ME3: variants seen among roughly 807,000 people sequenced by gnomAD.
ME3 encodes the protein malic enzyme 3.
Under a neutral mutation model 68.9 loss-of-function variants are expected in ME3, and 48 were observed. The observed-to-expected ratio is 0.70, with a 90% CI of 0.55 to 0.89. The LOEUF is 0.89. Ranked by LOEUF, ME3 falls within the 40% of genes least tolerant of loss-of-function variation. The probability of loss-of-function intolerance (pLI) is 0.00; values close to 1 mark genes in which losing one functional copy is unlikely to be tolerated. For synonymous variants in ME3, 320 were observed against 318.8 expected, an observed-to-expected ratio of 1.00 and a Z score of -0.04; for missense variants, 675 against 797.4, an observed-to-expected ratio of 0.85 and a Z score of 1.85.
rs1594616679 is a variant in ME3, at chr11:86,600,917, A to T, written c.184-41094T>A. Among the ~76,000 whole-genome samples, 3 of 151,010 alleles carry T rather than the reference A, an allele frequency of 2.0e-5. No homozygotes were observed. The East Asian group carries it at 5.9e-4, about 29-fold the overall frequency. On this transcript the variant is annotated intron_variant, in intron 2 of 14. Transcript: ENST00000543262. The stretch of plus-strand genomic sequence containing the variant: ...CTTTGAAACCAATGAGAACAAAGAC[A>T]CAACATACCAGAATCTCTGGGACAC...
rs563091042 is a variant in ME3 at position 86,571,359 on chromosome 11, G to A, written c.184-11536C>T. On this transcript the variant is annotated intron_variant, in intron 2 of 14. Coordinates refer to ENST00000543262, the Ensembl canonical transcript of ME3. The stretch of plus-strand genomic sequence containing the variant: ...CAATGGAAAGATATAGAAGGTTCCA[G>A]TTCTCTGTAGGCTCTAGGTGAGCCA... Among the ~76,000 whole-genome samples the A allele has an allele frequency of 3.4e-4, 52 of 152,364 alleles. 1 individual carries two copies. In the South Asian group the frequency reaches 0.011, roughly 32 times the overall value.
chr11:86,645,527 T>C (rs902556629), intron 2 of ME3, among the ~76,000 whole-genome samples: 3 of 152,304 alleles, frequency 2.0e-5, no homozygotes, highest in African/African-American at 7.2e-5. Context: ...AGGGCATCTC[T>C]GAGAAAAAGT....
rs1200374794 is a variant in ME3, at chr11:86,530,371, A to T, written c.468-21504T>A. Among the ~76,000 whole-genome samples, 7 of 152,250 alleles carry T rather than the reference A, an allele frequency of 4.6e-5. 1 individual carries two copies. Among genetic ancestry groups the T allele is most frequent in the Admixed American group, 4.6e-4 (7 of 15,288 alleles). ...AGAGGATACAAAAAAATGGAAGAAC[A>T]TTCCATGCTCATGGATAGGAAGAAT... On this transcript the variant is annotated intron_variant, in intron 4 of 14. Transcript: ENST00000543262.
At chr11:86,453,629 A>G (rs1949762162) in intron 8 of ME3, among the ~76,000 whole-genome samples, 1 of 152,234 alleles carries the variant, frequency 6.6e-6, no homozygotes. Context: ...GATTTTTTTA[A>G]GTATAAGTAT....
In ME3 at chr11:86,487,400, T is replaced by G; in HGVS notation, c.746A>C (p.Gln249Pro). The G allele has an allele frequency of 6.2e-7, 1 of 1,614,136 alleles. No homozygotes were observed. Among genetic ancestry groups the G allele is most frequent in the Non-Finnish European group, 8.5e-7 (1 of 1,180,036 alleles). The change falls in exon 7 of 15, where the codon CAG becomes CCG. Residue 249 changes from glutamine (Q) to proline (P), a missense_variant. Gln to Pro is a moderately conservative substitution (Grantham distance 76). Coordinates refer to ENST00000543262, the Ensembl canonical transcript of ME3. ...ATCGTATGCCTTCCCGTGCACGCGCTGGTGTTTCAGGCCGATGTACAGAGG... is the reference window on the plus strand; with the variant it reads ...ATCGTATGCCTTCCCGTGCACGCGCGGGTGTTTCAGGCCGATGTACAGAGG...
intron 8 of ME3, among the ~76,000 whole-genome samples, chr11:86,458,025 G>A (rs1416755600): frequency 6.6e-6 from 1 of 152,210 alleles, no homozygotes; most frequent in Admixed American, 6.5e-5. Flanking sequence ...GACAGAAAGA[G>A]TTAGGCTCTG....
Position 86,497,281 on chromosome 11 carries a change from G to A in ME3, c.705+682C>T, listed in dbSNP as rs1054658792. Among the ~76,000 whole-genome samples the A allele has an allele frequency of 1.4e-4, 21 of 152,240 alleles. 2 individuals are homozygous for A. Among genetic ancestry groups the A allele is most frequent in the Admixed American group, 4.6e-4 (7 of 15,292 alleles). On this transcript the variant is annotated intron_variant, in intron 6 of 14. Coordinates refer to ENST00000543262, the Ensembl canonical transcript of ME3. ...AACACAGGCGTGAGTGACTGTGCCCGGCCTCAATAATATGCACTGATCTCA... is the reference window on the plus strand; with the variant it reads ...AACACAGGCGTGAGTGACTGTGCCCAGCCTCAATAATATGCACTGATCTCA...
chr11:86,490,491 A>G (rs1283110062), intron 6 of ME3, among the ~76,000 whole-genome samples: 1 of 152,214 alleles, frequency 6.6e-6, no homozygotes, highest in Non-Finnish European at 1.5e-5. Context: ...ACAGCCAGAA[A>G]GAAGAAATGA....
Position 86,487,281 on chromosome 11 carries a change from T to C in ME3, c.809+56A>G, listed in dbSNP as rs1951747614. 6 of 1,423,718 alleles carry C rather than the reference T, an allele frequency of 4.2e-6. No individual in the cohort carries two copies. The Admixed American group carries it at 8.4e-5, about 20-fold the overall frequency. 88.2% of individuals were successfully genotyped at this position (1,423,718 alleles called of 1,614,324 possible). The stretch of plus-strand genomic sequence containing the variant: ...TATCAGCCAAAACCAGTGTTGACTT[T>C]AGTCACGGCATCTCTTAAAAGTCCT... On this transcript the variant is annotated intron_variant, in intron 7 of 14. Coordinates refer to ENST00000543262, the Ensembl canonical transcript of ME3.
chr11:86,498,054 G>C (rs1210595108), exon 6 of ME3: 2 of 1,613,822 alleles, frequency 1.2e-6, no homozygotes. Context: ...CTTGCCCACA[G>C]GGATGCCCAT....
chr11:86,605,936 T>C lies in ME3; in HGVS notation c.184-46113A>G, dbSNP rs532330040. On this transcript the variant is annotated intron_variant, in intron 2 of 14. Coordinates refer to ENST00000543262, the Ensembl canonical transcript of ME3. ...TGCCTACCCCCAACCTCACCCCAAG[T>C]CCCATGGGCCTCCCACAAGTGCCCA... Among the ~76,000 whole-genome samples, 4 of 152,196 alleles carry C rather than the reference T, an allele frequency of 2.6e-5. No homozygotes were observed. In the East Asian group the frequency reaches 5.8e-4, roughly 22 times the overall value.
At chr11:86,474,604 A>AT (rs1202781255) in intron 7 of ME3, among the ~76,000 whole-genome samples, 10 of 152,074 alleles carry the variant, frequency 6.6e-5, no homozygotes, top group African/African-American at 2.2e-4. Context: ...GTCAGCCCAT[A>AT]TTTGTCCTTA....
chr11:86,489,538 G>C (rs1300025144), intron 6 of ME3, among the ~76,000 whole-genome samples: 1 of 152,132 alleles, frequency 6.6e-6, no homozygotes, highest in Non-Finnish European at 1.5e-5. Context: ...ACTATCTTAA[G>C]GGAACCTGCT....
chr11:86,615,788 G>C (rs1010636479), intron 2 of ME3, among the ~76,000 whole-genome samples: 3 of 152,202 alleles, frequency 2.0e-5, no homozygotes, highest in Non-Finnish European at 4.4e-5. Flanking sequence ...GGGGGACAGA[G>C]TGAAACCTAA....
chr11:86,461,216 T>C (rs936272293), intron 8 of ME3, among the ~76,000 whole-genome samples: 1 of 152,104 alleles, frequency 6.6e-6, no homozygotes, highest in African/African-American at 2.4e-5. Context: ...AGTTCCAGCT[T>C]TGTGTCTTTT....
rs1051469144 is a variant in ME3 at position 86,654,699 on chromosome 11, C to T, written c.183+17063G>A. On this transcript the variant is annotated intron_variant, in intron 2 of 14. Coordinates refer to ENST00000543262, the Ensembl canonical transcript of ME3. ...TGAAAACTGGCACAAGACAGGGATG[C>T]CCTCTCTCACCACTCCTATTCAACA... Among the ~76,000 whole-genome samples the T allele has an allele frequency of 6.5e-3, 994 of 152,290 alleles. 8 individuals are homozygous for T. Among genetic ancestry groups the T allele is most frequent in the Non-Finnish European group, 9.8e-3 (668 of 68,026 alleles).
chr11:86,528,331 T>C (rs1954927911), intron 4 of ME3, among the ~76,000 whole-genome samples: 1 of 152,208 alleles, frequency 6.6e-6, no homozygotes. Flanking sequence ...ATGCACTGAA[T>C]ACAGGAGCAC....
the ME3 span, chr11:86,435,236 A>C: frequency 6.6e-6 from 1 of 152,254 alleles, no homozygotes; most frequent in Non-Finnish European, 1.5e-5. Flanking sequence ...ACACATCTGT[A>C]ATTTTGAAAA....
rs1326059014 is a variant in ME3, at chr11:86,450,216, C to G, written c.1017+85G>C. The G allele has an allele frequency of 6.8e-6, 9 of 1,326,490 alleles. No individual in the cohort carries two copies. In the South Asian group the frequency reaches 7.4e-5, roughly 11 times the overall value. 82.2% of individuals were successfully genotyped at this position (1,326,490 alleles called of 1,614,324 possible). Reference sequence around the variant, plus strand: ...TGTGCTGCTTCCTCTTTTCAGAACCCCAGAATGCCTCCCTTTTTTGGTATG... The same window carrying G: ...TGTGCTGCTTCCTCTTTTCAGAACCGCAGAATGCCTCCCTTTTTTGGTATG... On this transcript the variant is annotated intron_variant, in intron 9 of 14. Transcript: ENST00000543262.
Sources: gnomAD v4.1 joint callset for allele counts (sites outside exome capture counted in the v4.1 genomes callset) on GRCh38, gnomAD v4.1.1 for gene constraint, MANE v1.5 for transcripts, NCBI Gene and HGNC (gene_info 2026-07-23, HGNC 2026-07-21) for gene names.